Variants in TRPM2 observed in about 807,000 individuals in gnomAD.
TRPM2 encodes estrogen-responsive element-associated gene 1 protein.
In TRPM2, 161 loss-of-function variants were observed where a neutral mutation model predicts 174.0. The ratio of observed to expected loss-of-function variants is 0.93; its 90% CI spans 0.81 to 1.05. TRPM2 has a LOEUF of 1.05. Among genes scored for constraint, TRPM2 ranks in the 50% least tolerant of loss-of-function variants. The probability of loss-of-function intolerance (pLI) is 0.00; values close to 1 mark genes in which losing one functional copy is unlikely to be tolerated. For synonymous variants in TRPM2, 954 were observed against 861.3 expected (o/e 1.11, Z -1.88); for missense variants, 2,057 against 2,038.0 (o/e 1.01, Z -0.18).
chr21:44,401,619 C>T (rs984692837), intron 15 of TRPM2, 62 bp from the exon 16 acceptor site: 19 of 1,568,130 alleles, frequency 1.2e-5, no homozygotes. Context: ...TGGCCAAAGC[C>T]TGTGGAGGTC....
chr21:44,351,096 C>T (rs1055867287), upstream of TRPM2, among the ~76,000 whole-genome samples: 21 of 152,208 alleles, frequency 1.4e-4, no homozygotes, highest in African/African-American at 4.8e-4. Context: ...GCCAGAGGCC[C>T]GCCCTGCCCA....
chr21:44,363,867 A>T (rs1182780814), intron 2 of TRPM2, among the ~76,000 whole-genome samples: 1 of 152,180 alleles, frequency 6.6e-6, no homozygotes, highest in African/African-American at 2.4e-5. Flanking sequence ...GGTGAAGTCT[A>T]AGCCCCCCTG....
chr21:44,389,873 A>ATTT (rs34732510), intron 9 of TRPM2, among the ~76,000 whole-genome samples: 5 of 139,338 alleles, frequency 3.6e-5, no homozygotes, highest in East Asian at 2.0e-4. Context: ...GAGGCTTAAA[A>ATTT]TTTTTTTTTT....
rs2048920075 is a variant in TRPM2 at position 44,382,773 on chromosome 21, A to T, written c.1271A>T (p.Asp424Val). Residue 424 changes from aspartate (D) to valine (V), a missense_variant, in exon 9 of 32, where the codon GAT becomes GTT. Coordinates refer to ENST00000397928, the MANE Select transcript of TRPM2 (RefSeq NM_003307.4). Reference protein sequence around the residue: ...QLLTVFREGKDGQQDVDVAIL... With the variant: ...QLLTVFREGKVGQQDVDVAIL... ...CTGACTGTCTTCCGGGAAGGCAAGG[A>T]TGGTCAGCAGGACGTGGATGTGGCC... 1 of 1,614,060 alleles carries T rather than the reference A, an allele frequency of 6.2e-7. No homozygotes were observed. The highest frequency in any genetic ancestry group is 1.3e-5 in the African/African-American group (1 of 75,040).
rs140490450 is a variant in TRPM2 at position 44,413,964 on chromosome 21, C to T, written c.3036C>T (p.Asp1012=). 3.3e-5 allele frequency: 54 copies of T among 1,613,864 alleles called. No homozygotes were observed. The South Asian group carries it at 3.4e-4, about 10-fold the overall frequency. Residue 1012 remains aspartate, a synonymous_variant, in exon 20 of 32, where the codon GAC becomes GAT. Coordinates refer to ENST00000397928, the MANE Select transcript of TRPM2 (RefSeq NM_003307.4). Reference sequence around the variant, plus strand: ...ACAAGCCTAAGTGCCCCGAGAGCGACGCGACGCAGCAGAGGCCGGCCTTCC... The same window carrying T: ...ACAAGCCTAAGTGCCCCGAGAGCGATGCGACGCAGCAGAGGCCGGCCTTCC... The part of the protein sequence containing the change: ...DPYKPKCPES[D]ATQQRPAFPE...
chr21:44,417,113 T>C (rs1178522575), intron 20 of TRPM2, among the ~76,000 whole-genome samples: 45 of 118,610 alleles, frequency 3.8e-4, no homozygotes, highest in African/African-American at 1.2e-3. Flanking sequence ...ACAGTGGGCA[T>C]GTGGGCATGG....
chr21:44,406,898 T>A, intron 19 of TRPM2, 133 bp downstream of exon 19: 1 of 1,192,392 alleles, frequency 8.4e-7, no homozygotes, highest in East Asian at 2.6e-5. Context: ...GCCGGTGTCC[T>A]CCCTGGGGGC....
rs557376193 is a variant in TRPM2, at chr21:44,380,388, C to G, written c.1215+1191C>G. ...TGTCAGGGCGGCTTTCCTTCCTTCC[C>G]GGTGCCATTGGGACTTGTCGGGCGG... On this transcript the variant is annotated intron_variant, in intron 8 of 31. Coordinates refer to ENST00000397928, the MANE Select transcript of TRPM2 (RefSeq NM_003307.4). Among the ~76,000 whole-genome samples the G allele has an allele frequency of 2.0e-5, 3 of 152,204 alleles. No individual in the cohort carries two copies. The East Asian group carries it at 5.8e-4, about 29-fold the overall frequency.
intron 27 of TRPM2, 69 bp downstream of exon 27, chr21:44,427,180 C>T (rs1332301501): frequency 7.6e-6 from 10 of 1,324,036 alleles, no homozygotes; most frequent in Non-Finnish European, 1.0e-5. Flanking sequence ...GGTTTCCTCT[C>T]TGGGCAAAGG....
intron 21 of TRPM2, 115 bp downstream of exon 21, chr21:44,418,223 C>T: frequency 7.0e-7 from 1 of 1,425,782 alleles, no homozygotes; most frequent in Non-Finnish European, 9.4e-7. Context: ...GTGCAGGTCA[C>T]TCAGGCTGCT....
At position 44,379,112 on chromosome 21, in the gene TRPM2, C is replaced by G. The variant is rs750977012; in HGVS notation, c.1130C>G (p.Ser377Cys). ...CTGCCTGTCTCGGACATCACTATCT[C>G]CCTGATCCAGCAGAAACTGAGCGTG... ...ANLPVSDITI[S>C]LIQQKLSVFF... Residue 377 changes from serine to cysteine, a missense_variant, in exon 8 of 32, where the codon TCC (serine) becomes TGC (cysteine). Ser to Cys is a moderately radical substitution (Grantham distance 112). Transcript: ENST00000397928. 6.2e-7 allele frequency: 1 copy of G among 1,613,582 alleles called. No individual in the cohort carries two copies. The highest frequency in any genetic ancestry group is 1.1e-5 in the South Asian group (1 of 91,090).
At chr21:44,352,669 A>G (rs1419217119), upstream of TRPM2, among the ~76,000 whole-genome samples, 1 of 152,152 alleles carries the variant, frequency 6.6e-6, no homozygotes, top group African/African-American at 2.4e-5. Context: ...GGTGTCAGGG[A>G]CTCAGGGAGG....
Position 44,380,644 on chromosome 21 carries a change from G to A in TRPM2, c.1215+1447G>A, listed in dbSNP as rs189433272. On this transcript the variant is annotated intron_variant, in intron 8 of 31. Transcript: ENST00000397928. The stretch of plus-strand genomic sequence containing the variant: ...CCAGCCATGCAGCCAGGGTCAGTGC[G>A]CTCCTTTAACACGCCTTCTCAGAGT... Among the ~76,000 whole-genome samples the A allele has an allele frequency of 3.0e-3, 450 of 152,288 alleles. 1 individual carries two copies. Among genetic ancestry groups the A allele is most frequent in the African/African-American group, 0.01 (418 of 41,570 alleles).
chr21:44,401,783 C>T lies in TRPM2; in HGVS notation c.2424C>T (p.Ala808=). ...VFHLNILSYF[A]FLCLFAYVLM... is the part of the protein sequence containing the mutation. ...ACCTGAACATCCTCTCCTACTTCGC[C>T]TTCCTCTGCCTGTTCGCCTACGTGC... The change falls in exon 16 of 32, where the codon GCC becomes GCT. Residue 808 remains alanine, a synonymous_variant. Coordinates refer to ENST00000397928, the MANE Select transcript of TRPM2 (RefSeq NM_003307.4). 1 of 1,613,868 alleles carries T rather than the reference C, an allele frequency of 6.2e-7. No individual in the cohort carries two copies. The highest frequency in any genetic ancestry group is 1.1e-5 in the South Asian group (1 of 91,090).
At position 44,369,452 on chromosome 21, in the gene TRPM2, C is replaced by G. The variant is rs55701484; in HGVS notation, c.771+109C>G. On this transcript the variant is annotated intron_variant, in intron 5 of 31. Transcript: ENST00000397928. ...TGTACGGGGGCCGGGGTGTGGGTGA[C>G]GTCTGACCGGGCGCTGTGGGGAGCA... is the stretch of plus-strand genomic sequence containing the variant. 2,154 of 1,192,964 alleles carry G rather than the reference C, an allele frequency of 1.8e-3. 38 individuals are homozygous for G. The African/African-American group carries it at 0.044, about 24-fold the overall frequency. The allele number at this position is 1,192,964 out of a possible 1,614,324, so 73.9% of individuals were successfully genotyped here.
intron 9 of TRPM2, among the ~76,000 whole-genome samples, chr21:44,389,175 A>G (rs1342778341): frequency 1.3e-5 from 2 of 152,344 alleles, no homozygotes; most frequent in Admixed American, 6.5e-5. Context: ...ATGAAATCAT[A>G]CATGATGCAT....
At chr21:44,353,386 T>C, upstream of TRPM2, 1 of 234,060 alleles carries the variant, frequency 4.3e-6, no homozygotes, top group Non-Finnish European at 8.3e-6. Context: ...TGCAGTCACC[T>C]GAGGTTGTTA....
In TRPM2 at chr21:44,399,496, G is replaced by A. The variant is rs551302654; in HGVS notation, c.2208+55G>A. 653 of 1,565,144 alleles carry A rather than the reference G, an allele frequency of 4.2e-4. 4 individuals are homozygous for A. The African/African-American group carries it at 8.3e-3, about 20-fold the overall frequency. On this transcript the variant is annotated intron_variant, in intron 14 of 31. Transcript: ENST00000397928. This position sits in a 1 kb window ranked among gnomAD's most constrained non-coding sequence, Gnocchi z 4.6. Reference sequence around the variant, plus strand: ...AGACGCCTGTGGTGCCTGCAGGGCGGACACAGCCTCCTGTTCGTGCAGTTG... The same window carrying A: ...AGACGCCTGTGGTGCCTGCAGGGCGAACACAGCCTCCTGTTCGTGCAGTTG...
chr21:44,384,869 T>C (rs1311994471), intron 9 of TRPM2, among the ~76,000 whole-genome samples: 1 of 152,226 alleles, frequency 6.6e-6, no homozygotes, highest in Non-Finnish European at 1.5e-5. Flanking sequence ...ACCAAATGTT[T>C]AAAGAACTAA....
Sources: gnomAD v4.1 joint callset for allele counts (sites outside exome capture counted in the v4.1 genomes callset) on GRCh38, gnomAD v4.1.1 for gene constraint, Gnocchi (gnomAD v3.1) non-coding constraint, MANE v1.5 for transcripts, NCBI Gene and HGNC (gene_info 2026-07-23, HGNC 2026-07-21) for gene names.